NLGN4X: variants seen among roughly 807,000 people sequenced by gnomAD.
NLGN4X encodes neuroligin-4, X-linked.
In NLGN4X, 3 loss-of-function variants were observed where a neutral mutation model predicts 40.3. That is an observed-to-expected ratio of 0.07 (90% CI 0.03 to 0.19). The LOEUF is 0.19. Ranked by LOEUF, NLGN4X falls within the 10% of genes least tolerant of loss-of-function variation. The pLI is 1.00. For missense variants in NLGN4X, 382 were observed against 708.3 expected, an observed-to-expected ratio of 0.54 and a Z score of 5.23; for synonymous variants, 270 against 306.8, an observed-to-expected ratio of 0.88 and a Z score of 1.25.
At chrX:6,048,475 A>G (rs1410310962) in intron 2 of NLGN4X, among the ~76,000 whole-genome samples, 1 of 111,705 alleles carries the variant, frequency 9.0e-6, no homozygotes, top group Non-Finnish European at 1.9e-5. Flanking sequence ...ATGTTATTAA[A>G]GAATATGAGT....
Position 6,157,431 on chromosome X carries a change from T to C in NLGN4X, c.-305-5660A>G, listed in dbSNP as rs1350012727. Among the ~76,000 whole-genome samples the C allele has an allele frequency of 2.7e-5, 3 of 112,218 alleles. No individual in the cohort carries two copies. In the Admixed American group the frequency reaches 2.8e-4, roughly 11 times the overall value. ...ATGAGGAATAGGGCATACATCTTTC[T>C]AGAGTAAACTATGTGGACAGAAAGA... On this transcript the variant is annotated intron_variant, in intron 1 of 5. Transcript: ENST00000381095.
intron 3 of NLGN4X, among the ~76,000 whole-genome samples, chrX:5,975,784 AT>A (rs2035161938): frequency 9.0e-6 from 1 of 111,285 alleles, no homozygotes; most frequent in Non-Finnish European, 1.9e-5. Flanking sequence ...AAATAAAAAA[AT>A]AAATTGCTTG....
intron 1 of NLGN4X, among the ~76,000 whole-genome samples, chrX:6,153,391 T>C (rs1197165520): frequency 8.9e-6 from 1 of 111,882 alleles, no homozygotes; most frequent in Non-Finnish European, 1.9e-5. Context: ...CTGATTTAGG[T>C]GTTTGCTTCT....
chrX:6,099,192 A>G (rs1473954462), intron 2 of NLGN4X, among the ~76,000 whole-genome samples: 2 of 112,252 alleles, frequency 1.8e-5, no homozygotes, highest in Non-Finnish European at 3.8e-5. Flanking sequence ...TCTAAAGTCT[A>G]GTACCATGAA....
chrX:6,178,923 G>A lies in NLGN4X; in HGVS notation c.-305-27152C>T, dbSNP rs140775410. 8.7e-3 allele frequency among the ~76,000 whole-genome samples: 958 copies of A among 110,455 alleles called. 8 individuals carry two copies. The highest frequency in any genetic ancestry group is 0.03 in the African/African-American group (917 of 30,225). ...CCAGCCTGAACAACATAGGAAAACC[G>A]TGTCTCTAAAAAAACAAATTTTAAA... On this transcript the variant is annotated intron_variant, in intron 1 of 5. Coordinates refer to ENST00000381095, the MANE Select transcript of NLGN4X (RefSeq NM_181332.3).
chrX:5,976,705 AT>A (rs1370328065), intron 3 of NLGN4X, among the ~76,000 whole-genome samples: 1 of 112,697 alleles, frequency 8.9e-6, no homozygotes. Flanking sequence ...GTTTTTCGAG[AT>A]TTGTACATCA....
rs3045369 is a variant in NLGN4X, at chrX:6,175,655, G to GAAAAAAAAAA, written c.-305-23894_-305-23885dup. Among the ~76,000 whole-genome samples, 78 of 60,973 alleles carry GAAAAAAAAAA rather than the reference G, an allele frequency of 1.3e-3. 3 individuals carry two copies. The highest frequency in any genetic ancestry group is 4.9e-3 in the South Asian group (4 of 809). The allele number at this position is 60,973 out of a possible 115,157, so 52.9% of individuals were successfully genotyped here. A position where few individuals can be genotyped will look rare whatever the true frequency, so the allele number is the denominator to read the frequency against. On this transcript the variant is annotated intron_variant, in intron 1 of 5. Transcript: ENST00000381095. ...TCAAGTTATATCATTATCTATTACA[G>GAAAAAAAAAA]AAAAAAAAAAAAAAAAAACAAGATA...
intron 1 of NLGN4X, among the ~76,000 whole-genome samples, chrX:6,181,120 G>A (rs1270325796): frequency 3.6e-5 from 4 of 110,963 alleles, no homozygotes; most frequent in African/African-American, 9.8e-5. Flanking sequence ...AAATATGAGG[G>A]TAGGCCTGTG....
At chrX:5,905,298 A>G (rs1601860422) in intron 4 of NLGN4X, among the ~76,000 whole-genome samples, 2 of 111,624 alleles carry the variant, frequency 1.8e-5, no homozygotes, top group East Asian at 2.8e-4. Flanking sequence ...ATAGTTGGAT[A>G]ATGAAAAAAA....
At chrX:6,219,601 C>G (rs994667156) in intron 1 of NLGN4X, among the ~76,000 whole-genome samples, 2 of 103,302 alleles carry the variant, frequency 1.9e-5, no homozygotes, top group African/African-American at 7.0e-5. Flanking sequence ...CTTTCCTTCC[C>G]TCCCTTCCTC....
chrX:6,082,948 GTTTTT>G (rs930625574), intron 2 of NLGN4X, among the ~76,000 whole-genome samples: 7 of 70,358 alleles, frequency 9.9e-5, no homozygotes, highest in Middle Eastern at 6.6e-3. Context: ...GCCATGATGC[GTTTTT>G]TTCTTTTTTT....
chrX:6,145,507 T>C (rs2040027181), intron 2 of NLGN4X, among the ~76,000 whole-genome samples: 2 of 111,878 alleles, frequency 1.8e-5, no homozygotes, highest in Non-Finnish European at 3.8e-5. Flanking sequence ...TTCCATTTTT[T>C]CCCTCAAAGT....
chrX:5,941,180 G>GTGTGTGTGTGTGTGTGTGT (rs1569143828), intron 3 of NLGN4X, among the ~76,000 whole-genome samples: 1 of 58,625 alleles, frequency 1.7e-5, no homozygotes, highest in Non-Finnish European at 3.2e-5. Context: ...TATGCTAGGG[G>GTGTGTGTGTGTGTGTGTGT]GTGTGTGTGT....
intron 2 of NLGN4X, among the ~76,000 whole-genome samples, chrX:6,137,726 G>A (rs1232627187): frequency 9.0e-6 from 1 of 111,683 alleles, no homozygotes; most frequent in Non-Finnish European, 1.9e-5. Context: ...AAATGCAAGA[G>A]GAAGCTCATT....
At chrX:5,934,973 T>C (rs1009823346) in intron 3 of NLGN4X, among the ~76,000 whole-genome samples, 1 of 112,014 alleles carries the variant, frequency 8.9e-6, no homozygotes, top group Non-Finnish European at 1.9e-5. Context: ...ATAATTTGTG[T>C]TTTTATATGA....
chrX:5,978,962 C>G (rs746390000), intron 3 of NLGN4X, among the ~76,000 whole-genome samples: 51 of 110,749 alleles, frequency 4.6e-4, no homozygotes, highest in Non-Finnish European at 9.4e-4. Flanking sequence ...TAGAGTGAGA[C>G]TCTGTTTAAA....
chrX:5,927,868 C>T (rs184750737), intron 3 of NLGN4X, among the ~76,000 whole-genome samples: 3 of 112,367 alleles, frequency 2.7e-5, no homozygotes, highest in East Asian at 2.8e-4. Flanking sequence ...TCTTATTTCC[C>T]GTGTTAATAT....
chrX:6,169,594 T>C (rs2040563343), intron 1 of NLGN4X, among the ~76,000 whole-genome samples: 1 of 112,819 alleles, frequency 8.9e-6, no homozygotes, highest in African/African-American at 3.2e-5. Context: ...ATCACAGAAT[T>C]AGACCAGTGG....
chrX:6,091,332 T>G (rs749486076), intron 2 of NLGN4X, among the ~76,000 whole-genome samples: 6 of 111,445 alleles, frequency 5.4e-5, no homozygotes, highest in Non-Finnish European at 7.5e-5. Flanking sequence ...GGAAGCATCT[T>G]TTTAAAATAA....
Sources: gnomAD v4.1 joint callset for allele counts (sites outside exome capture counted in the v4.1 genomes callset) on GRCh38, gnomAD v4.1.1 for gene constraint, MANE v1.5 for transcripts, NCBI Gene and HGNC (gene_info 2026-07-23, HGNC 2026-07-21) for gene names.